The following EPS8L2 variants were observed in gnomAD, a reference collection of about 807,000 sequenced individuals.
The protein encoded by EPS8L2 is EPS8 signaling adaptor L2.
EPS8L2 carries 81 observed loss-of-function variants against 99.4 expected under a neutral mutation model. The ratio of observed to expected loss-of-function variants is 0.82; its 90% CI spans 0.68 to 0.98. EPS8L2 has a LOEUF of 0.98. Ranked by LOEUF, EPS8L2 falls within the 50% of genes least tolerant of loss-of-function variation. EPS8L2 has a pLI of 0.00. For missense variants in EPS8L2, 1,155 were observed against 968.8 expected (o/e 1.19, Z -2.55); for synonymous variants, 509 against 407.3 (o/e 1.25, Z -3.01).
chr11:722,370 T>G (rs2133531395), intron 12 of EPS8L2, 31 bp from the exon 13 acceptor site: 1 of 1,607,186 alleles, frequency 6.2e-7, no homozygotes, highest in South Asian at 1.1e-5. Context: ...TCTGTGGGCC[T>G]CAGTCCCCTC....
At chr11:715,822 G>A (rs555881386) in intron 4 of EPS8L2, among the ~76,000 whole-genome samples, 25 of 151,240 alleles carry the variant, frequency 1.7e-4, no homozygotes, top group East Asian at 3.9e-4. Context: ...GGGTTTCACC[G>A]CGTTAGCCAG....
chr11:710,977 T>TG (rs1456639781), intron 4 of EPS8L2, among the ~76,000 whole-genome samples: 2 of 152,138 alleles, frequency 1.3e-5, no homozygotes, highest in African/African-American at 4.8e-5. Flanking sequence ...GAAAACACTG[T>TG]GGCTGCTGCC....
rs147064790 is a variant in EPS8L2, at chr11:711,486, C to T, written c.165+1000C>T. 1.3e-3 allele frequency among the ~76,000 whole-genome samples: 195 copies of T among 152,196 alleles called. 3 individuals carry two copies. The East Asian group carries it at 0.036, about 28-fold the overall frequency. On this transcript the variant is annotated intron_variant, in intron 4 of 20. Coordinates refer to ENST00000318562, the MANE Select transcript of EPS8L2 (RefSeq NM_022772.4). ...TCAGCCTCCCCAGTAGCTGGGCCTA[C>T]AGGCTGGCCCCACCATGCCCATCTA...
chr11:715,228 T>G (rs569621974), intron 4 of EPS8L2, among the ~76,000 whole-genome samples: 1 of 149,492 alleles, frequency 6.7e-6, no homozygotes, highest in African/African-American at 2.5e-5. Flanking sequence ...GGAGACAGAG[T>G]GAGACTCTGT....
intron 3 of EPS8L2, chr11:709,847 A>G: frequency 1.7e-6 from 1 of 591,946 alleles, no homozygotes; most frequent in Non-Finnish European, 3.0e-6. Flanking sequence ...ATCAATATTG[A>G]TTCCGCTGCA....
chr11:719,249 G>T (rs1862094597), intron 4 of EPS8L2, among the ~76,000 whole-genome samples: 1 of 152,240 alleles, frequency 6.6e-6, no homozygotes, highest in Non-Finnish European at 1.5e-5. Flanking sequence ...TGATAGATGT[G>T]AGCCACCGCG....
rs905037897 is a variant in EPS8L2, at chr11:726,494, G to A, written c.1934+10G>A. ...AGGCCTTCAGCCCGCGGTGAGCGGGGGCGGGGGATGAGCTGGGGCCCGGGC... is the reference window on the plus strand; with the variant it reads ...AGGCCTTCAGCCCGCGGTGAGCGGGAGCGGGGGATGAGCTGGGGCCCGGGC... On this transcript the variant is annotated intron_variant, in intron 19 of 20. Transcript: ENST00000318562. 6.5e-6 allele frequency: 10 copies of A among 1,544,930 alleles called. No individual in the cohort carries two copies. The highest frequency in any genetic ancestry group is 1.2e-5 in the South Asian group (1 of 83,272).
In EPS8L2 at chr11:715,114, T is replaced by C. The variant is rs568548517; in HGVS notation, c.165+4628T>C. 8.0e-4 allele frequency among the ~76,000 whole-genome samples: 122 copies of C among 152,066 alleles called. No homozygotes were observed. In the East Asian group the frequency reaches 0.013, roughly 17 times the overall value. The stretch of plus-strand genomic sequence containing the variant: ...AAAATTAGCCAGGTGGGATGGCGGG[T>C]GCCTGTAGTCCCAGCTACTCGGGAG... On this transcript the variant is annotated intron_variant, in intron 4 of 20. Coordinates refer to ENST00000318562, the MANE Select transcript of EPS8L2 (RefSeq NM_022772.4).
chr11:715,533 CTG>C (rs1861998357), intron 4 of EPS8L2, among the ~76,000 whole-genome samples: 1 of 151,262 alleles, frequency 6.6e-6, no homozygotes, highest in Non-Finnish European at 1.5e-5. Context: ...TGTCAGTAGT[CTG>C]TGTAAAGTGC....
intron 4 of EPS8L2, among the ~76,000 whole-genome samples, chr11:711,593 C>T (rs1344673878): frequency 6.6e-6 from 1 of 152,072 alleles, no homozygotes; most frequent in Non-Finnish European, 1.5e-5. Context: ...AGCAATCCTC[C>T]CCCCTCCTAG....
intron 5 of EPS8L2, 65 bp from the exon 6 acceptor site, chr11:720,532 C>G (rs1468778134): frequency 1.3e-6 from 2 of 1,553,186 alleles, no homozygotes; most frequent in African/African-American, 2.7e-5. Context: ...TCCACAGCTC[C>G]GGCCACTCCC....
intron 9 of EPS8L2, 22 bp from the exon 10 acceptor site, chr11:721,543 C>T: frequency 6.5e-7 from 1 of 1,532,350 alleles, no homozygotes; most frequent in Non-Finnish European, 8.8e-7. Context: ...AGGGGCTGAC[C>T]CCTGACCCCC....
chr11:718,891 A>G (rs1209826065), intron 4 of EPS8L2, among the ~76,000 whole-genome samples: 1 of 147,862 alleles, frequency 6.8e-6, no homozygotes, highest in Non-Finnish European at 1.5e-5. Flanking sequence ...GATGATCTCA[A>G]TCTCCTGACC....
In EPS8L2 at chr11:726,490, CG is replaced by C. The variant is rs1199024826; in HGVS notation, c.1934+11del. On this transcript the variant is annotated splice_region_variant and intron_variant, in intron 19 of 20. Coordinates refer to ENST00000318562, the MANE Select transcript of EPS8L2 (RefSeq NM_022772.4). The stretch of plus-strand genomic sequence containing the variant: ...GCCAAGGCCTTCAGCCCGCGGTGAG[CG>C]GGGGCGGGGGATGAGCTGGGGCCCG... The C allele has an allele frequency of 6.7e-7, 1 of 1,485,856 alleles. No homozygotes were observed. Among genetic ancestry groups the C allele is most frequent in the Non-Finnish European group, 9.0e-7 (1 of 1,109,738 alleles). 92.0% of individuals were successfully genotyped at this position (1,485,856 alleles called of 1,614,324 possible). A position where few individuals can be genotyped will look rare whatever the true frequency, so the allele number is the denominator to read the frequency against.
chr11:709,021 G>A (rs1291137940), intron 1 of EPS8L2: 1 of 144,040 alleles, frequency 6.9e-6, no homozygotes, highest in African/African-American at 2.7e-5. Flanking sequence ...ACAGCACCAG[G>A]GCCTTAAACT....
Position 720,601 on chromosome 11 carries a change from A to T in EPS8L2, c.332A>T (p.Glu111Val). The change falls in exon 6 of 21, where the codon GAG (glutamate) becomes GTG (valine). Residue 111 changes from glutamate (E) to valine (V), a missense_variant. Glu to Val is a moderately radical substitution (Grantham distance 121). Transcript: ENST00000318562. The part of the protein sequence containing the change: ...LRLLDIESQE[E>V]LEDFPLPTVQ... Reference sequence around the variant, plus strand: ...GTCCGCGCGATGTACCCGCAGGAGGAGCTGGAAGACTTCCCGCTGCCCACG... The same window carrying T: ...GTCCGCGCGATGTACCCGCAGGAGGTGCTGGAAGACTTCCCGCTGCCCACG... The T allele has an allele frequency of 6.3e-7, 1 of 1,599,564 alleles. No individual in the cohort carries two copies. The highest frequency in any genetic ancestry group is 8.5e-7 in the Non-Finnish European group (1 of 1,174,910).
Position 721,239 on chromosome 11 carries a change from G to A in EPS8L2, c.700+33G>A, listed in dbSNP as rs927748623. The A allele has an allele frequency of 1.1e-4, 163 of 1,537,394 alleles. 1 individual carries two copies. The East Asian group carries it at 3.5e-3, about 33-fold the overall frequency. On this transcript the variant is annotated intron_variant, in intron 8 of 20. Coordinates refer to ENST00000318562, the MANE Select transcript of EPS8L2 (RefSeq NM_022772.4). ...GAGGGGCTGGAGGGGGCTCCACAGG[G>A]CTCGTTGTGGGGGGCTCGGTGAGCA... is the stretch of plus-strand genomic sequence containing the variant.
chr11:708,858 C>T (rs1861803186), intron 1 of EPS8L2: 1 of 165,614 alleles, frequency 6.0e-6, no homozygotes, highest in African/African-American at 2.4e-5. Context: ...TAGAGCCGGG[C>T]TCCCTCTGGA....
In EPS8L2 at chr11:724,848, G is replaced by A. The variant is rs1296654867; in HGVS notation, c.1560+19G>A. ...CCTAGAGGTGAGGGGCTGGAGGACG[G>A]GGTCCAAGAGGGGGAAACAGGGCAG... On this transcript the variant is annotated intron_variant, in intron 16 of 20. Transcript: ENST00000318562. The surrounding 1 kb of genome is among the most constrained non-coding windows in gnomAD (Gnocchi z 5.5). 6.4e-7 allele frequency: 1 copy of A among 1,567,518 alleles called. No homozygotes were observed. The highest frequency in any genetic ancestry group is 8.8e-7 in the Non-Finnish European group (1 of 1,138,878).
Sources: gnomAD v4.1 joint callset for allele counts (sites outside exome capture counted in the v4.1 genomes callset) on GRCh38, gnomAD v4.1.1 for gene constraint, Gnocchi (gnomAD v3.1) non-coding constraint, MANE v1.5 for transcripts, NCBI Gene and HGNC (gene_info 2026-07-23, HGNC 2026-07-21) for gene names.